The following ZNF99 variants were observed in gnomAD, a reference collection of about 807,000 sequenced individuals.
ZNF99 encodes the protein zinc finger protein 99, also known as zinc finger protein ENSP00000375192.
A neutral mutation model predicts 12.8 loss-of-function variants in ZNF99; 8 were observed. The observed-to-expected ratio is 0.62, with a 90% CI of 0.37 to 1.13. ZNF99 has a LOEUF of 1.13. ZNF99 is among the 50% of genes most tolerant of loss of function. The probability of loss-of-function intolerance (pLI) is 0.02; values close to 1 mark genes in which losing one functional copy is unlikely to be tolerated. For missense variants in ZNF99, 1,007 were observed against 1,006.2 expected (o/e 1.00, Z -0.01); for synonymous variants, 318 against 319.0 (o/e 1.00, Z 0.03).
At position 22,756,997 on chromosome 19, in the gene ZNF99, G is replaced by A; in HGVS notation, c.*317C>T. 1.9e-6 allele frequency: 3 copies of A among 1,612,500 alleles called. No individual in the cohort carries two copies. The highest frequency in any genetic ancestry group is 2.5e-6 in the Non-Finnish European group (3 of 1,179,074). On this transcript the variant is annotated 3_prime_UTR_variant, in exon 4 of 4. Coordinates refer to ENST00000596209, the MANE Select transcript of ZNF99 (RefSeq NM_001080409.3). ...TATGAATTATCTTATGTTTCCTAAG[G>A]GCTGAGAAATTGCTAAAAGCTTTGC...
intron 1 of ZNF99, chr19:22,774,014 G>A (rs1287409004): frequency 1.3e-5 from 2 of 153,756 alleles, no homozygotes; most frequent in Non-Finnish European, 2.9e-5. Context: ...AGTCCAGACA[G>A]AGATAGCTCC....
chr19:22,759,679 A>G lies in ZNF99; in HGVS notation c.230T>C (p.Ile77Thr), dbSNP rs1973129616. The G allele has an allele frequency of 2.0e-6, 3 of 1,521,826 alleles. No homozygotes were observed. Among genetic ancestry groups the G allele is most frequent in the South Asian group, 1.4e-5 (1 of 73,946 alleles). The allele number at this position is 1,521,826 out of a possible 1,614,324, so 94.3% of individuals were successfully genotyped here. ...RHEMVTKPPV[I>T]SSHFTQDFWP... ...AAAGTCTTGTGTAAAATGAGAACTA[A>G]TAACTGGAAGAAATGAAAATAATAA... Residue 77 changes from isoleucine (I) to threonine (T), a missense_variant, in exon 4 of 4, where the codon ATT becomes ACT. Transcript: ENST00000596209.
Position 22,758,674 on chromosome 19 carries a change from A to C in ZNF99, c.1235T>G (p.Leu412Arg). Residue 412 changes from leucine (L) to arginine (R), a missense_variant, in exon 4 of 4, where the codon CTT becomes CGT. Coordinates refer to ENST00000596209, the MANE Select transcript of ZNF99 (RefSeq NM_001080409.3). ...AGTATGAATTACCTTATGTACAGTA[A>C]GTTTTGAGGACCACTTAAAAGCTTT... The part of the protein sequence containing the change: ...CGKAFKWSSK[L>R]TVHKVIHTAE... The C allele has an allele frequency of 6.2e-7, 1 of 1,612,494 alleles. No individual in the cohort carries two copies. The highest frequency in any genetic ancestry group is 8.5e-7 in the Non-Finnish European group (1 of 1,179,328).
chr19:22,778,155 AT>A (rs34659063), intron 1 of ZNF99, among the ~76,000 whole-genome samples: 27,981 of 150,622 alleles, frequency 0.19, 3,369 homozygotes, highest in African/African-American at 0.35. Flanking sequence ...TAGAACTTAA[AT>A]TAAAAAAAAA....
intron 1 of ZNF99, among the ~76,000 whole-genome samples, chr19:22,775,377 C>T (rs1973314773): frequency 6.6e-6 from 1 of 152,080 alleles, no homozygotes; most frequent in Admixed American, 6.6e-5. Flanking sequence ...GAAACTGGAC[C>T]CCTTCCTTAC....
chr19:22,772,171 C>A (rs1162673159), intron 1 of ZNF99, among the ~76,000 whole-genome samples: 6 of 152,016 alleles, frequency 3.9e-5, no homozygotes, highest in Non-Finnish European at 8.8e-5. Context: ...AGTGTGATTA[C>A]AAGTTGATTT....
intron 1 of ZNF99, among the ~76,000 whole-genome samples, 155 bp downstream of exon 1, chr19:22,783,859 T>C (rs1248375635): frequency 4.6e-5 from 7 of 152,114 alleles, no homozygotes; most frequent in African/African-American, 1.7e-4. Flanking sequence ...AGCCGCCATC[T>C]TATGGCTGAA....
chr19:22,784,123 G>T lies in ZNF99; in HGVS notation c.-107C>A. The stretch of plus-strand genomic sequence containing the variant: ...CACAGAGCAGTAAAAACGAGATCCG[G>T]AGCTCCAGCTGGAACCAGAAACAAC... On this transcript the variant is annotated 5_prime_UTR_variant, in exon 1 of 4. Coordinates refer to ENST00000596209, the MANE Select transcript of ZNF99 (RefSeq NM_001080409.3). 1 of 1,321,768 alleles carries T rather than the reference G, an allele frequency of 7.6e-7. No individual in the cohort carries two copies. The highest frequency in any genetic ancestry group is 2.4e-5 in the East Asian group (1 of 42,474). 81.9% of individuals were successfully genotyped at this position (1,321,768 alleles called of 1,614,324 possible). A position where few individuals can be genotyped will look rare whatever the true frequency, so the allele number is the denominator to read the frequency against.
intron 1 of ZNF99, among the ~76,000 whole-genome samples, chr19:22,771,595 G>A (rs1364261392): frequency 2.0e-5 from 3 of 151,344 alleles, no homozygotes; most frequent in Admixed American, 2.0e-4. Flanking sequence ...AGAGCTAATG[G>A]AGAACACAGA....
chr19:22,757,013 A>G lies in ZNF99; in HGVS notation c.*301T>C, dbSNP rs764997153. The G allele has an allele frequency of 6.2e-7, 1 of 1,612,962 alleles. No individual in the cohort carries two copies. Among genetic ancestry groups the G allele is most frequent in the South Asian group, 1.1e-5 (1 of 91,044 alleles). ...TTTCCTAAGGGCTGAGAAATTGCTA[A>G]AAGCTTTGCCACATTCTTCACATTT... On this transcript the variant is annotated 3_prime_UTR_variant, in exon 4 of 4. Transcript: ENST00000596209.
chr19:22,779,177 C>T (rs1973360326), intron 1 of ZNF99, among the ~76,000 whole-genome samples: 2 of 152,090 alleles, frequency 1.3e-5, no homozygotes, highest in African/African-American at 2.4e-5. Flanking sequence ...TCTTACCTAT[C>T]ACATAGCCAG....
rs1480711141 is a variant in ZNF99 at position 22,755,568 on chromosome 19, C to A, written c.*1746G>T. 13 of 277,342 alleles carry A rather than the reference C, an allele frequency of 4.7e-5. No homozygotes were observed. In the East Asian group the frequency reaches 1.2e-3, roughly 26 times the overall value. The allele number at this position is 277,342 out of a possible 1,614,324, so 17.2% of individuals were successfully genotyped here. A position where few individuals can be genotyped will look rare whatever the true frequency, so the allele number is the denominator to read the frequency against. On this transcript the variant is annotated 3_prime_UTR_variant, in exon 4 of 4. Transcript: ENST00000596209. ...TCTCCAGTATGAATTATCTTATGTT[C>A]AGTAAGTTTTGAGAAGCAGTTAAAA...
chr19:22,763,350 G>A (rs183131193), intron 3 of ZNF99, among the ~76,000 whole-genome samples: 94 of 151,806 alleles, frequency 6.2e-4, no homozygotes, highest in Non-Finnish European at 9.0e-4. Context: ...CGACGAAGCA[G>A]AGAGTCAAAT....
At chr19:22,766,899 C>A (rs1470134743) in intron 3 of ZNF99, among the ~76,000 whole-genome samples, 1 of 151,982 alleles carries the variant, frequency 6.6e-6, no homozygotes, top group Admixed American at 6.6e-5. Flanking sequence ...GATCCGCCCA[C>A]CTCGGCCTCC....
In ZNF99 at chr19:22,752,590, T is replaced by A. The variant is rs910969986; in HGVS notation, c.*4724A>T. On this transcript the variant is annotated 3_prime_UTR_variant, in exon 4 of 4. Transcript: ENST00000596209. ...ACTGAAAAAAAGAGATTACTAGAGA[T>A]GTTATTCCACTCTTACCAAATAGTA... is the stretch of plus-strand genomic sequence containing the variant. 3 of 152,100 alleles carry A rather than the reference T, an allele frequency of 2.0e-5. No individual in the cohort carries two copies. The highest frequency in any genetic ancestry group is 4.4e-5 in the Non-Finnish European group (3 of 67,994). 9.4% of individuals were successfully genotyped at this position (152,100 alleles called of 1,614,324 possible).
chr19:22,755,851 C>T lies in ZNF99; in HGVS notation c.*1463G>A. On this transcript the variant is annotated 3_prime_UTR_variant, in exon 4 of 4. Transcript: ENST00000596209. The stretch of plus-strand genomic sequence containing the variant: ...ATTTGAGGACCAGTTAAAAGCTTTG[C>T]CATATTATTCACATTTGTGGAGTTT... 3.1e-6 allele frequency: 1 copy of T among 321,480 alleles called. No individual in the cohort carries two copies. The allele number at this position is 321,480 out of a possible 1,614,324, so 19.9% of individuals were successfully genotyped here.
intron 1 of ZNF99, among the ~76,000 whole-genome samples, chr19:22,780,296 G>C (rs1973373176): frequency 6.6e-6 from 1 of 152,128 alleles, no homozygotes; most frequent in Admixed American, 6.5e-5. Flanking sequence ...TTCATATAAG[G>C]GAAGGAAATT....
At chr19:22,781,476 T>C (rs1973387743) in intron 1 of ZNF99, among the ~76,000 whole-genome samples, 1 of 151,092 alleles carries the variant, frequency 6.6e-6, no homozygotes, top group Non-Finnish European at 1.5e-5. Context: ...TATTTTTCTT[T>C]CACTATTTTT....
intron 1 of ZNF99, among the ~76,000 whole-genome samples, chr19:22,774,578 A>G (rs1973305338): frequency 6.6e-6 from 1 of 152,208 alleles, no homozygotes; most frequent in African/African-American, 2.4e-5. Flanking sequence ...AATGAAAGAC[A>G]CTATTAACAG....
Sources: allele counts gnomAD v4.1 joint callset (sites outside exome capture counted in the v4.1 genomes callset), GRCh38; gene constraint gnomAD v4.1.1; transcripts MANE v1.5; gene names NCBI Gene and HGNC (gene_info 2026-07-23, HGNC 2026-07-21).